Variants in STXBP5L observed in about 807,000 individuals in gnomAD.
STXBP5L encodes syntaxin-binding protein 5-like.
In STXBP5L, 65 loss-of-function variants were observed where a neutral mutation model predicts 144.5. That is an observed-to-expected ratio of 0.45 (90% CI 0.37 to 0.55). The LOEUF (loss-of-function observed/expected upper bound fraction) is 0.55. STXBP5L is among the 20% of genes least tolerant of loss of function. The probability of loss-of-function intolerance (pLI) is 0.00; values close to 1 mark genes in which losing one functional copy is unlikely to be tolerated. For missense variants in STXBP5L, 1,298 were observed against 1,405.5 expected, an observed-to-expected ratio of 0.92 and a Z score of 1.22; for synonymous variants, 505 against 469.6, an observed-to-expected ratio of 1.08 and a Z score of -0.97.
At position 121,084,866 on chromosome 3, in the gene STXBP5L, G is replaced by A. The variant is rs193089496; in HGVS notation, c.471-30059G>A. Among the ~76,000 whole-genome samples, 369 of 152,086 alleles carry A rather than the reference G, an allele frequency of 2.4e-3. 1 individual carries two copies. The highest frequency in any genetic ancestry group is 9.5e-3 in the South Asian group (46 of 4,818). On this transcript the variant is annotated intron_variant, in intron 5 of 26. Transcript: ENST00000471454. The stretch of plus-strand genomic sequence containing the variant: ...AGCATTCCTATTTCTCCACAGTCTC[G>A]CCAGCATCTGTTGTTTCTTGACTTT...
At chr3:121,106,028 G>A (rs6807328) in intron 5 of STXBP5L, among the ~76,000 whole-genome samples, 15,118 of 152,026 alleles carry the variant, frequency 0.099, 1,183 homozygotes, top group Admixed American at 0.2. Context: ...TATTTATTTT[G>A]TGTTTTGATC....
At chr3:121,088,252 A>G (rs1271699707) in intron 5 of STXBP5L, among the ~76,000 whole-genome samples, 2 of 134,352 alleles carry the variant, frequency 1.5e-5, no homozygotes, top group Non-Finnish European at 3.1e-5. Context: ...CAAGAAAAAA[A>G]CAAACAACCC....
intron 20 of STXBP5L, among the ~76,000 whole-genome samples, chr3:121,367,587 C>T (rs1425440029): frequency 9.3e-5 from 12 of 129,528 alleles, no homozygotes; most frequent in African/African-American, 2.3e-4. Context: ...TCTTTGTCTT[C>T]GACTCTTGTT....
At chr3:121,358,874 GTTTA>G (rs1248304188) in intron 20 of STXBP5L, among the ~76,000 whole-genome samples, 11 of 152,028 alleles carry the variant, frequency 7.2e-5, no homozygotes, top group Admixed American at 2.0e-4. Context: ...AGCATGTTTT[GTTTA>G]TTTATTCATG....
At chr3:121,011,279 G>A (rs1375158471) in intron 3 of STXBP5L, among the ~76,000 whole-genome samples, 1 of 150,794 alleles carries the variant, frequency 6.6e-6, no homozygotes, top group Non-Finnish European at 1.5e-5. Flanking sequence ...CCCCTTATTC[G>A]TTCTTATATG....
chr3:121,322,748 T>A (rs958627330), intron 20 of STXBP5L, among the ~76,000 whole-genome samples: 12 of 152,146 alleles, frequency 7.9e-5, no homozygotes, highest in African/African-American at 2.9e-4. Flanking sequence ...ATAGTAGTTC[T>A]AAGTTATTTG....
chr3:120,934,614 G>A (rs907135917), intron 2 of STXBP5L, among the ~76,000 whole-genome samples: 3 of 151,934 alleles, frequency 2.0e-5, no homozygotes, highest in Non-Finnish European at 4.4e-5. Flanking sequence ...GATTATAGTG[G>A]ATTTATCTAT....
chr3:120,910,713 A>T (rs888243960), intron 2 of STXBP5L, among the ~76,000 whole-genome samples: 1 of 152,166 alleles, frequency 6.6e-6, no homozygotes, highest in South Asian at 2.1e-4. Flanking sequence ...TATTAAAATT[A>T]TATTTGTGGT....
intron 3 of STXBP5L, among the ~76,000 whole-genome samples, chr3:120,973,441 A>G (rs1022763406): frequency 6.6e-6 from 1 of 151,906 alleles, no homozygotes. Flanking sequence ...ATTTCTAATT[A>G]TGCTTATTTG....
intron 9 of STXBP5L, among the ~76,000 whole-genome samples, chr3:121,180,659 G>C (rs966528026): frequency 6.6e-6 from 1 of 152,296 alleles, no homozygotes; most frequent in African/African-American, 2.4e-5. Context: ...TGGATCACTT[G>C]AGTTCAGCGG....
At chr3:121,079,795 T>C (rs943338415) in intron 5 of STXBP5L, among the ~76,000 whole-genome samples, 7 of 152,220 alleles carry the variant, frequency 4.6e-5, no homozygotes, top group African/African-American at 1.7e-4. Flanking sequence ...GAATGTATTA[T>C]GCAGTTGTTG....
At chr3:121,338,614 GAA>G (rs1487062462) in intron 20 of STXBP5L, among the ~76,000 whole-genome samples, 1 of 133,698 alleles carries the variant, frequency 7.5e-6, no homozygotes, top group African/African-American at 2.8e-5. Flanking sequence ...AAAAAAGAGA[GAA>G]AGAGAGAAAG....
intron 20 of STXBP5L, among the ~76,000 whole-genome samples, chr3:121,325,578 T>C (rs2044117304): frequency 6.6e-6 from 1 of 152,026 alleles, no homozygotes; most frequent in South Asian, 2.1e-4. Context: ...AGAAATTTAA[T>C]AGAACTTAAG....
intron 3 of STXBP5L, among the ~76,000 whole-genome samples, chr3:120,971,412 C>A (rs1286862586): frequency 6.6e-6 from 1 of 151,828 alleles, no homozygotes; most frequent in Admixed American, 6.6e-5. Context: ...CCTTTTGGAG[C>A]CTCCAATGTC....
intron 5 of STXBP5L, among the ~76,000 whole-genome samples, chr3:121,092,325 G>A (rs139392288): frequency 0.096 from 14,632 of 151,656 alleles, 1,113 homozygotes; most frequent in Admixed American, 0.2. Context: ...TTGGTAGCTT[G>A]ATGGGGATGG....
intron 10 of STXBP5L, among the ~76,000 whole-genome samples, chr3:121,216,906 C>G (rs528063442): frequency 1.3e-5 from 2 of 151,532 alleles, no homozygotes; most frequent in Non-Finnish European, 3.0e-5. Flanking sequence ...TAGGGAAGCC[C>G]TCTGGCTACA....
intron 10 of STXBP5L, among the ~76,000 whole-genome samples, chr3:121,222,008 G>A (rs2048987827): frequency 6.6e-6 from 1 of 151,952 alleles, no homozygotes; most frequent in African/African-American, 2.4e-5. Flanking sequence ...GAAACAAGTA[G>A]ATTCTTCAGC....
intron 9 of STXBP5L, among the ~76,000 whole-genome samples, chr3:121,200,921 A>G (rs13317817): frequency 0.099 from 15,091 of 152,176 alleles, 1,178 homozygotes; most frequent in Admixed American, 0.2. Context: ...TCAATTTTAG[A>G]ATAAGTGTTA....
At chr3:121,280,476 A>G (rs945963370) in intron 19 of STXBP5L, among the ~76,000 whole-genome samples, 1 of 151,966 alleles carries the variant, frequency 6.6e-6, no homozygotes, top group Non-Finnish European at 1.5e-5. Flanking sequence ...ATTTTTCATT[A>G]ACATTTTTAA....
Sources: gnomAD v4.1 joint callset for allele counts (sites outside exome capture counted in the v4.1 genomes callset) on GRCh38, gnomAD v4.1.1 for gene constraint, MANE v1.5 for transcripts, NCBI Gene and HGNC (gene_info 2026-07-23, HGNC 2026-07-21) for gene names.